DPT: variants seen among roughly 807,000 people sequenced by gnomAD.
The protein encoded by DPT is tyrosine-rich acidic matrix protein.
DPT carries 21 observed loss-of-function variants against 31.2 expected under a neutral mutation model. That is an observed-to-expected ratio of 0.67 (90% CI 0.48 to 0.97). DPT has a LOEUF of 0.97. Ranked by LOEUF, DPT falls within the 50% of genes least tolerant of loss-of-function variation. The pLI is 0.00. For missense variants in DPT, 262 were observed against 258.8 expected (o/e 1.01, Z -0.08); for synonymous variants, 91 against 86.9 (o/e 1.05, Z -0.26).
At chr1:168,713,191 G>C (rs779683625) in intron 2 of DPT, among the ~76,000 whole-genome samples, 1 of 152,194 alleles carries the variant, frequency 6.6e-6, no homozygotes, top group Non-Finnish European at 1.5e-5. Flanking sequence ...ACCCACTGTA[G>C]AGGAGTAAAA....
In DPT at chr1:168,723,384, G is replaced by A. The variant is rs186507943; in HGVS notation, c.305+5486C>T. On this transcript the variant is annotated intron_variant, in intron 1 of 3. Transcript: ENST00000367817. ...ATATTAGCTTTTGAATAACTCATGG[G>A]CATAGACTGTATGTTATTCATCTCC... Among the ~76,000 whole-genome samples the A allele has an allele frequency of 1.2e-3, 181 of 152,326 alleles. 1 individual carries two copies. The highest frequency in any genetic ancestry group is 4.1e-3 in the African/African-American group (169 of 41,576).
intron 1 of DPT, among the ~76,000 whole-genome samples, chr1:168,723,464 T>A (rs1435268895): frequency 6.6e-6 from 1 of 152,196 alleles, no homozygotes; most frequent in Non-Finnish European, 1.5e-5. Flanking sequence ...AGTGAATGAA[T>A]AAACAAATGA....
chr1:168,717,810 G>A (rs74499776), intron 1 of DPT, among the ~76,000 whole-genome samples: 5 of 152,154 alleles, frequency 3.3e-5, no homozygotes, highest in South Asian at 2.1e-4. Flanking sequence ...ACCATTGCTC[G>A]CATCTCATCA....
chr1:168,722,408 G>A (rs1280594586), intron 1 of DPT, among the ~76,000 whole-genome samples: 1 of 152,152 alleles, frequency 6.6e-6, no homozygotes, highest in African/African-American at 2.4e-5. Flanking sequence ...CCAACTGTGT[G>A]ATACTTGTCT....
At position 168,696,480 on chromosome 1, in the gene DPT, G is replaced by A; in HGVS notation, c.*69C>T. On this transcript the variant is annotated 3_prime_UTR_variant, in exon 4 of 4. Transcript: ENST00000367817. ...AACTTCTATAGGAGATCCAACTGAT[G>A]TTAACATATGTGGACACCCTCCTGT... 2 of 1,369,790 alleles carry A rather than the reference G, an allele frequency of 1.5e-6. No individual in the cohort carries two copies. The highest frequency in any genetic ancestry group is 2.0e-6 in the Non-Finnish European group (2 of 983,296). The allele number at this position is 1,369,790 out of a possible 1,614,324, so 84.9% of individuals were successfully genotyped here.
chr1:168,700,901 GT>G, intron 3 of DPT, 115 bp downstream of exon 3: 1 of 296,272 alleles, frequency 3.4e-6, no homozygotes. Context: ...GTGTGTGTGT[GT>G]GTGTGGGTGT....
At chr1:168,711,860 A>G (rs897162885) in intron 2 of DPT, among the ~76,000 whole-genome samples, 1 of 152,230 alleles carries the variant, frequency 6.6e-6, no homozygotes, top group Non-Finnish European at 1.5e-5. Flanking sequence ...TCATTCCTTC[A>G]TCCAAACAAA....
At chr1:168,727,539 CTT>C (rs3076492) in intron 1 of DPT, among the ~76,000 whole-genome samples, 57,780 of 127,964 alleles carry the variant, frequency 0.45, 12,190 homozygotes, top group Non-Finnish European at 0.51. Context: ...TTTCTATTTT[CTT>C]TTTTTTTTTT....
intron 1 of DPT, among the ~76,000 whole-genome samples, chr1:168,725,215 A>ATTCCTTTCATTTCCT (rs1650211562): frequency 9.0e-6 from 1 of 110,716 alleles, no homozygotes. Flanking sequence ...TTTCCTTTCC[A>ATTCCTTTCATTTCCT]TTCCTTTCCT....
chr1:168,714,349 G>C lies in DPT; in HGVS notation c.306-3C>G. On this transcript the variant is annotated splice_region_variant and splice_polypyrimidine_tract_variant and intron_variant, in intron 1 of 3. Coordinates refer to ENST00000367817, the MANE Select transcript of DPT (RefSeq NM_001937.5). Reference sequence around the variant, plus strand: ...CATTGTTGGAGCACGTCTGGTACCTGAAGAGAAGACAACCCCAGGAACCTA... The same window carrying C: ...CATTGTTGGAGCACGTCTGGTACCTCAAGAGAAGACAACCCCAGGAACCTA... 3.1e-6 allele frequency: 5 copies of C among 1,614,072 alleles called. No homozygotes were observed. Among genetic ancestry groups the C allele is most frequent in the African/African-American group, 1.3e-5 (1 of 75,020 alleles).
rs145305491 is a variant in DPT at position 168,720,584 on chromosome 1, G to A, written c.306-6238C>T. 1.1e-3 allele frequency among the ~76,000 whole-genome samples: 167 copies of A among 152,250 alleles called. 1 individual carries two copies. The highest frequency in any genetic ancestry group is 3.8e-3 in the African/African-American group (157 of 41,548). ...AAATTTCATTAAATAGATAATAGAT[G>A]GGCTGGTTGTGCTGGTCTTTTTTTT... On this transcript the variant is annotated intron_variant, in intron 1 of 3. Transcript: ENST00000367817.
At chr1:168,726,452 GGGTGAGCCACAGCTCTGT>G (rs1419887119) in intron 1 of DPT, among the ~76,000 whole-genome samples, 1 of 152,222 alleles carries the variant, frequency 6.6e-6, no homozygotes, top group Admixed American at 6.5e-5. Context: ...GTGTTTTCAG[GGGTGAGCCACAGCTCTGT>G]GGAGCCTTCA....
intron 2 of DPT, among the ~76,000 whole-genome samples, chr1:168,712,948 G>C (rs1176605310): frequency 6.6e-6 from 1 of 152,216 alleles, no homozygotes; most frequent in Admixed American, 6.5e-5. Flanking sequence ...ACTCAAAAAA[G>C]GTGGTCATCA....
In DPT at chr1:168,696,588, G is replaced by A. The variant is rs768505075; in HGVS notation, c.567C>T (p.Cys189=). ...ERDRQWKFIM[C]RMTEYDCEFA... is the part of the protein sequence containing the mutation. ...ATTCACAGTCGTATTCAGTCATCCG[G>A]CACATTATGAACTTCCACTGGCGAT... Residue 189 remains cysteine, a synonymous_variant, in exon 4 of 4, where the codon TGC becomes TGT. Coordinates refer to ENST00000367817, the MANE Select transcript of DPT (RefSeq NM_001937.5). The A allele has an allele frequency of 1.2e-6, 2 of 1,613,972 alleles. No individual in the cohort carries two copies. Among genetic ancestry groups the A allele is most frequent in the South Asian group, 2.2e-5 (2 of 91,056 alleles).
At chr1:168,721,229 A>G (rs1324641974) in intron 1 of DPT, among the ~76,000 whole-genome samples, 4 of 152,176 alleles carry the variant, frequency 2.6e-5, no homozygotes, top group African/African-American at 4.8e-5. Context: ...AAAGTTCTGG[A>G]TTTCTCTGCT....
chr1:168,714,112 T>C, intron 2 of DPT, 109 bp downstream of exon 2: 1 of 1,461,812 alleles, frequency 6.8e-7, no homozygotes, highest in East Asian at 2.3e-5. Context: ...ATGCCAGCGC[T>C]GCCTTCCAGG....
At chr1:168,714,393 C>A (rs747157917) in intron 1 of DPT, 47 bp from the exon 2 acceptor site, 1 of 1,610,870 alleles carries the variant, frequency 6.2e-7, no homozygotes, top group East Asian at 2.2e-5. Flanking sequence ...GACACATACA[C>A]AGACCCCTTC....
At chr1:168,701,771 A>G (rs1452014128) in intron 2 of DPT, among the ~76,000 whole-genome samples, 1 of 152,242 alleles carries the variant, frequency 6.6e-6, no homozygotes, top group Non-Finnish European at 1.5e-5. Context: ...TAAAACACAT[A>G]CATAATAAAT....
chr1:168,716,973 G>C (rs183154641), intron 1 of DPT, among the ~76,000 whole-genome samples: 5 of 152,272 alleles, frequency 3.3e-5, no homozygotes, highest in Admixed American at 6.5e-5. Context: ...ATTTGGGTTG[G>C]TTCCATGTCT....
Sources: allele counts gnomAD v4.1 joint callset (sites outside exome capture counted in the v4.1 genomes callset), GRCh38; gene constraint gnomAD v4.1.1; transcripts MANE v1.5; gene names NCBI Gene and HGNC (gene_info 2026-07-23, HGNC 2026-07-21).